The following TSHZ2 variants were observed in gnomAD, a reference collection of about 807,000 sequenced individuals.
The protein encoded by TSHZ2 is teashirt zinc finger homeobox 2, also known as teashirt homolog 2.
TSHZ2 carries 21 observed loss-of-function variants against 74.4 expected under a neutral mutation model. The observed-to-expected ratio is 0.28, with a 90% CI of 0.20 to 0.41. The LOEUF (loss-of-function observed/expected upper bound fraction) is 0.41, where lower values mean the gene tolerates loss of function less well. Ranked by LOEUF, TSHZ2 falls within the 10% of genes least tolerant of loss-of-function variation. The pLI is 1.00. For missense variants in TSHZ2, 1,244 were observed against 1,293.5 expected, an observed-to-expected ratio of 0.96 and a Z score of 0.59; for synonymous variants, 540 against 515.3, an observed-to-expected ratio of 1.05 and a Z score of -0.65.
rs1250521543 is a variant in TSHZ2, at chr20:53,204,081, T to TTATATCATCATATGATAC, written c.41-49402_41-49401insACTATATCATCATATGAT. ...ATTATATCATATTATATGATACTAT[T>TTATATCATCATATGATAC]TATATCATCATATGATGATATGATA... is the stretch of plus-strand genomic sequence containing the variant. On this transcript the variant is annotated intron_variant, in intron 1 of 2. Coordinates refer to ENST00000371497, the MANE Select transcript of TSHZ2 (RefSeq NM_173485.6). Among the ~76,000 whole-genome samples the TTATATCATCATATGATAC allele has an allele frequency of 3.5e-3, 129 of 36,500 alleles. 20 individuals are homozygous for TTATATCATCATATGATAC. Among genetic ancestry groups the TTATATCATCATATGATAC allele is most frequent in the Middle Eastern group, 8.9e-3 (1 of 112 alleles). The allele number at this position is 36,500 out of a possible 152,430, so 23.9% of individuals were successfully genotyped here.
chr20:53,056,537 C>T (rs1984645786), intron 1 of TSHZ2, among the ~76,000 whole-genome samples: 1 of 152,188 alleles, frequency 6.6e-6, no homozygotes, highest in African/African-American at 2.4e-5. Context: ...TGGTTCCTCC[C>T]TATCTAGTTA....
intron 1 of TSHZ2, among the ~76,000 whole-genome samples, chr20:52,980,297 T>A (rs945593571): frequency 2.0e-5 from 3 of 152,208 alleles, no homozygotes; most frequent in African/African-American, 7.2e-5. Context: ...AAGATTTTTT[T>A]AAGGAGCTTT....
chr20:53,227,551 G>T (rs1989713533), intron 1 of TSHZ2, among the ~76,000 whole-genome samples: 1 of 151,866 alleles, frequency 6.6e-6, no homozygotes, highest in Non-Finnish European at 1.5e-5. Context: ...GATAAATGTT[G>T]GGAGTGATTT....
chr20:53,422,223 A>T (rs1038999009), intron 2 of TSHZ2, among the ~76,000 whole-genome samples: 20 of 152,200 alleles, frequency 1.3e-4, no homozygotes, highest in Non-Finnish European at 2.9e-5. Context: ...CTGCCAGGGA[A>T]GATTAAAGTG....
chr20:53,306,273 A>AC, intron 2 of TSHZ2, among the ~76,000 whole-genome samples: 1 of 152,054 alleles, frequency 6.6e-6, no homozygotes, highest in South Asian at 2.1e-4. Context: ...TTCTTGGACC[A>AC]CCCCTCCCTC....
chr20:53,114,599 G>A (rs937887688), intron 1 of TSHZ2, among the ~76,000 whole-genome samples: 3 of 152,044 alleles, frequency 2.0e-5, no homozygotes, highest in African/African-American at 7.2e-5. Context: ...GGTGTAAAAT[G>A]GGCTTCTCAG....
At chr20:53,054,187 A>G (rs982318018) in intron 1 of TSHZ2, among the ~76,000 whole-genome samples, 6 of 152,196 alleles carry the variant, frequency 3.9e-5, no homozygotes, top group African/African-American at 1.4e-4. Context: ...CTTCTCACTC[A>G]TATTTCACAC....
At chr20:53,357,058 A>G (rs1190860440) in intron 2 of TSHZ2, among the ~76,000 whole-genome samples, 3 of 152,164 alleles carry the variant, frequency 2.0e-5, no homozygotes, top group African/African-American at 7.2e-5. Context: ...CAAAAATCAA[A>G]ACCAAAGGGA....
In TSHZ2 at chr20:53,253,980, C is replaced by T. The variant is rs748147325; in HGVS notation, c.522C>T (p.Ser174=). The T allele has an allele frequency of 1.9e-6, 3 of 1,614,120 alleles. No homozygotes were observed. Among genetic ancestry groups the T allele is most frequent in the South Asian group, 2.2e-5 (2 of 91,056 alleles). ...SDFDWHQDAL[S]KSLQQNLPSR... The stretch of plus-strand genomic sequence containing the variant: ...TTGATTGGCACCAAGACGCTCTGTC[C>T]AAAAGCCTGCAGCAGAACTTGCCTT... Residue 174 remains serine, a synonymous_variant, in exon 2 of 3, where the codon TCC becomes TCT. Transcript: ENST00000371497.
intron 1 of TSHZ2, among the ~76,000 whole-genome samples, chr20:53,050,820 A>G (rs1336000205): frequency 6.6e-6 from 1 of 152,162 alleles, no homozygotes; most frequent in African/African-American, 2.4e-5. Context: ...CAGAAAGGAG[A>G]TAACTATTTG....
chr20:53,067,834 A>G (rs1338658441), intron 1 of TSHZ2, among the ~76,000 whole-genome samples: 1 of 152,192 alleles, frequency 6.6e-6, no homozygotes, highest in Non-Finnish European at 1.5e-5. Context: ...AATCACAGAA[A>G]TGTACTGTCT....
chr20:53,058,208 T>C (rs1406686601), intron 1 of TSHZ2, among the ~76,000 whole-genome samples: 1 of 152,186 alleles, frequency 6.6e-6, no homozygotes, highest in African/African-American at 2.4e-5. Context: ...CCACCTGCTG[T>C]GTGGCCTGGT....
chr20:53,450,060 C>G (rs1372071112), intron 2 of TSHZ2, among the ~76,000 whole-genome samples: 1 of 152,232 alleles, frequency 6.6e-6, no homozygotes, highest in Non-Finnish European at 1.5e-5. Context: ...AGAAATACAT[C>G]AATGAATGAA....
At chr20:53,321,118 G>A (rs991445085) in intron 2 of TSHZ2, among the ~76,000 whole-genome samples, 2 of 152,130 alleles carry the variant, frequency 1.3e-5, no homozygotes, top group East Asian at 1.9e-4. Flanking sequence ...ACTCTAGGGC[G>A]CAACAGGTTT....
chr20:53,180,324 C>T (rs1376992414), intron 1 of TSHZ2, among the ~76,000 whole-genome samples: 1 of 152,124 alleles, frequency 6.6e-6, no homozygotes, highest in Non-Finnish European at 1.5e-5. Flanking sequence ...GTTCCAATTC[C>T]CAGGATGATG....
intron 1 of TSHZ2, chr20:53,178,542 T>A (rs930038763): frequency 2.6e-5 from 4 of 152,116 alleles, no homozygotes; most frequent in African/African-American, 9.7e-5. Flanking sequence ...GAGGAGTGAG[T>A]GAGAGGTGGA....
intron 2 of TSHZ2, among the ~76,000 whole-genome samples, chr20:53,262,377 G>A (rs975421503): frequency 2.0e-5 from 3 of 152,156 alleles, no homozygotes; most frequent in African/African-American, 7.2e-5. Context: ...TGTTGGAAAT[G>A]AGCAGGCGTT....
chr20:53,001,228 G>GTGTGTGTATA (rs1555813619), intron 1 of TSHZ2, among the ~76,000 whole-genome samples: 5 of 143,382 alleles, frequency 3.5e-5, no homozygotes, highest in African/African-American at 1.4e-4. Flanking sequence ...GTGTGTGTGT[G>GTGTGTGTATA]TGTGTGTGTG....
intron 2 of TSHZ2, among the ~76,000 whole-genome samples, chr20:53,401,825 G>C (rs60070321): frequency 6.1e-5 from 8 of 131,944 alleles, no homozygotes; most frequent in African/African-American, 1.4e-4. Flanking sequence ...CTCTGTTGCC[G>C]AGGCTGGAGT....
Sources: gnomAD v4.1 joint callset for allele counts (sites outside exome capture counted in the v4.1 genomes callset) on GRCh38, gnomAD v4.1.1 for gene constraint, MANE v1.5 for transcripts, NCBI Gene and HGNC (gene_info 2026-07-23, HGNC 2026-07-21) for gene names.